MAK: variants seen among roughly 807,000 people sequenced by gnomAD.
MAK encodes the protein male germ cell associated kinase.
In MAK, 65 loss-of-function variants were observed where a neutral mutation model predicts 82.6. That is an observed-to-expected ratio of 0.79 (90% confidence interval 0.64 to 0.97). The LOEUF is 0.97. MAK is among the 50% of genes least tolerant of loss of function. The pLI, the probability that MAK is intolerant of heterozygous loss-of-function variation, is 0.00. For missense variants in MAK, 703 were observed against 780.2 expected, an observed-to-expected ratio of 0.90 and a Z score of 1.18; for synonymous variants, 250 against 274.2, an observed-to-expected ratio of 0.91 and a Z score of 0.87.
At chr6:10,818,044 T>C (rs1777628695) in intron 3 of MAK, 73 bp from the exon 4 acceptor site, 2 of 797,496 alleles carry the variant, frequency 2.5e-6, no homozygotes, top group Non-Finnish European at 3.9e-6. Flanking sequence ...GCATCAATGC[T>C]AAGTGTAATA....
At chr6:10,831,842 G>A (rs373426977) in intron 1 of MAK, among the ~76,000 whole-genome samples, 6 of 152,304 alleles carry the variant, frequency 3.9e-5, no homozygotes, top group African/African-American at 1.4e-4. Context: ...GAATGAATGA[G>A]GAAGTGTTTC....
chr6:10,770,499 C>A (rs551593640), intron 13 of MAK, among the ~76,000 whole-genome samples: 19 of 152,252 alleles, frequency 1.2e-4, no homozygotes, highest in Non-Finnish European at 2.2e-4. Context: ...GGGGTCTGAA[C>A]TCAAGGCCCA....
At chr6:10,782,245 CACACAG>C (rs1258534738) in intron 11 of MAK, among the ~76,000 whole-genome samples, 5 of 139,240 alleles carry the variant, frequency 3.6e-5, no homozygotes, top group African/African-American at 5.4e-5. Context: ...CACACACACA[CACACAG>C]ACACACACCA....
chr6:10,785,009 A>G, intron 10 of MAK: 2 of 456,770 alleles, frequency 4.4e-6, no homozygotes, highest in South Asian at 3.1e-5. Context: ...AGTGCTAGAA[A>G]AGCTCCCGTA....
chr6:10,817,761 C>A (rs992271006), intron 4 of MAK, 89 bp downstream of exon 4: 1 of 1,089,604 alleles, frequency 9.2e-7, no homozygotes, highest in Non-Finnish European at 1.3e-6. Context: ...TTGGAGCAAT[C>A]AATCTTTCTC....
intron 11 of MAK, among the ~76,000 whole-genome samples, chr6:10,784,173 G>A (rs1301036244): frequency 6.6e-6 from 1 of 151,946 alleles, no homozygotes; most frequent in Non-Finnish European, 1.5e-5. Flanking sequence ...TTGGTGGGGG[G>A]TGGGGGTTGG....
At chr6:10,788,761 T>G (rs1458620982) in intron 10 of MAK, among the ~76,000 whole-genome samples, 2 of 151,954 alleles carry the variant, frequency 1.3e-5, no homozygotes, top group African/African-American at 4.8e-5. Context: ...AAAAAAAATG[T>G]TTCAAATCTC....
At chr6:10,829,695 T>C (rs1259684542) in intron 2 of MAK, among the ~76,000 whole-genome samples, 1 of 152,218 alleles carries the variant, frequency 6.6e-6, no homozygotes, top group Non-Finnish European at 1.5e-5. Flanking sequence ...GGTTTATCAG[T>C]GTAGCTGGAC....
chr6:10,835,283 CTCCTA>C (rs1779081509), intron 1 of MAK, among the ~76,000 whole-genome samples: 3 of 152,228 alleles, frequency 2.0e-5, no homozygotes, highest in Admixed American at 6.5e-5. Context: ...CCTGACCAAT[CTCCTA>C]CAGCTCGGAT....
chr6:10,825,371 C>A (rs1778285969), intron 2 of MAK, among the ~76,000 whole-genome samples: 1 of 151,970 alleles, frequency 6.6e-6, no homozygotes, highest in South Asian at 2.1e-4. Context: ...TTTCTACATT[C>A]TCCTGGTTTC....
intron 10 of MAK, among the ~76,000 whole-genome samples, chr6:10,790,099 C>A (rs1291155330): frequency 6.6e-6 from 1 of 152,182 alleles, no homozygotes; most frequent in African/African-American, 2.4e-5. Flanking sequence ...TATTTAGTAA[C>A]CCTATGCCAT....
intron 4 of MAK, among the ~76,000 whole-genome samples, chr6:10,816,238 T>C (rs1777495262): frequency 6.6e-6 from 1 of 151,802 alleles, no homozygotes; most frequent in Non-Finnish European, 1.5e-5. Flanking sequence ...ACCTGGCTAA[T>C]TTTTTAATTT....
At chr6:10,792,434 C>T (rs75869023) in intron 9 of MAK, among the ~76,000 whole-genome samples, 3,361 of 152,320 alleles carry the variant, frequency 0.022, 50 homozygotes, top group Middle Eastern at 0.031. Flanking sequence ...CTGAGAACAA[C>T]AATCCCTATT....
intron 1 of MAK, among the ~76,000 whole-genome samples, chr6:10,833,477 G>T (rs1778954885): frequency 6.6e-6 from 1 of 152,042 alleles, no homozygotes; most frequent in Admixed American, 6.6e-5. Flanking sequence ...TGGTGGCGCA[G>T]GCCTGTAGCC....
intron 14 of MAK, among the ~76,000 whole-genome samples, chr6:10,766,675 A>C (rs974817484): frequency 6.6e-6 from 1 of 152,158 alleles, no homozygotes; most frequent in Non-Finnish European, 1.5e-5. Context: ...CAGGGGTAGA[A>C]GAGACAGCGT....
intron 10 of MAK, among the ~76,000 whole-genome samples, chr6:10,788,126 A>ACCT (rs1482999795): frequency 6.6e-6 from 1 of 151,524 alleles, no homozygotes; most frequent in East Asian, 2.0e-4. Flanking sequence ...GAGTAGCTCG[A>ACCT]ACTACAGGTG....
intron 5 of MAK, among the ~76,000 whole-genome samples, chr6:10,812,554 C>T (rs983292878): frequency 4.6e-5 from 7 of 151,852 alleles, no homozygotes; most frequent in African/African-American, 1.7e-4. Flanking sequence ...GTGGGTGCTA[C>T]AAACTATTTA....
At chr6:10,770,532 C>A (rs1373905006) in intron 13 of MAK, among the ~76,000 whole-genome samples, 2 of 152,138 alleles carry the variant, frequency 1.3e-5, no homozygotes, top group Non-Finnish European at 2.9e-5. Flanking sequence ...TCACCCTGAA[C>A]ACGCCAGGCT....
intron 6 of MAK, among the ~76,000 whole-genome samples, chr6:10,805,370 G>A (rs1369885055): frequency 6.6e-6 from 1 of 152,060 alleles, no homozygotes; most frequent in African/African-American, 2.4e-5. Context: ...GGTGAATCAT[G>A]AGGTCAGGAG....
Sources: gnomAD v4.1 joint callset for allele counts (sites outside exome capture counted in the v4.1 genomes callset) on GRCh38, gnomAD v4.1.1 for gene constraint, MANE v1.5 for transcripts, NCBI Gene and HGNC (gene_info 2026-07-23, HGNC 2026-07-21) for gene names.